MYRIP: variants seen among roughly 807,000 people sequenced by gnomAD.
MYRIP encodes rab effector MyRIP.
Under a neutral mutation model 98.0 loss-of-function variants are expected in MYRIP, and 49 were observed. The observed-to-expected ratio is 0.50, with a 90% CI of 0.40 to 0.63. The LOEUF (loss-of-function observed/expected upper bound fraction) is 0.63. MYRIP is among the 30% of genes least tolerant of loss of function. The probability of loss-of-function intolerance (pLI) is 0.00; values close to 1 mark genes in which losing one functional copy is unlikely to be tolerated. For synonymous variants in MYRIP, 404 were observed against 409.5 expected, an observed-to-expected ratio of 0.99 and a Z score of 0.16; for missense variants, 1,004 against 1,058.2, an observed-to-expected ratio of 0.95 and a Z score of 0.71.
At chr3:39,965,980 T>A (rs59084070) in intron 2 of MYRIP, among the ~76,000 whole-genome samples, 2,596 of 152,280 alleles carry the variant, frequency 0.017, 66 homozygotes, top group African/African-American at 0.058. Flanking sequence ...TGAAAGTGAA[T>A]GTTTAAGTCC....
chr3:40,068,793 C>T (rs1257967946), intron 3 of MYRIP, among the ~76,000 whole-genome samples: 1 of 152,166 alleles, frequency 6.6e-6, no homozygotes, highest in Non-Finnish European at 1.5e-5. Context: ...TATATTTTAG[C>T]ATGTTGTCTT....
chr3:40,223,345 AG>A (rs1461731540), intron 11 of MYRIP, among the ~76,000 whole-genome samples: 1 of 152,234 alleles, frequency 6.6e-6, no homozygotes, highest in African/African-American at 2.4e-5. Flanking sequence ...TATTTTTTAA[AG>A]GTACAGTAAT....
At chr3:40,171,570 A>G (rs556042309) in intron 8 of MYRIP, among the ~76,000 whole-genome samples, 1 of 152,342 alleles carries the variant, frequency 6.6e-6, no homozygotes, top group South Asian at 2.1e-4. Flanking sequence ...CTCAACCATG[A>G]GTCAATGAGT....
At chr3:40,136,228 G>C (rs1236832283) in intron 3 of MYRIP, among the ~76,000 whole-genome samples, 2 of 152,200 alleles carry the variant, frequency 1.3e-5, no homozygotes, top group Non-Finnish European at 2.9e-5. Context: ...GGCAGGGGTT[G>C]CAATCCTAGT....
At chr3:39,888,300 A>G (rs1469129681) in intron 1 of MYRIP, among the ~76,000 whole-genome samples, 2 of 152,078 alleles carry the variant, frequency 1.3e-5, no homozygotes, top group African/African-American at 2.4e-5. Context: ...TACAGTAACC[A>G]AAACAGCATG....
At chr3:40,019,340 T>C (rs971869760) in intron 2 of MYRIP, among the ~76,000 whole-genome samples, 9 of 152,194 alleles carry the variant, frequency 5.9e-5, no homozygotes, top group Admixed American at 5.9e-4. Flanking sequence ...CGTTCAGTTA[T>C]GTATCTGTAC....
At chr3:39,980,416 C>T (rs75928250) in intron 2 of MYRIP, among the ~76,000 whole-genome samples, 11,049 of 152,236 alleles carry the variant, frequency 0.073, 558 homozygotes, top group East Asian at 0.17. Context: ...AGAAGGGAGA[C>T]AGCAACAGAG....
chr3:40,168,558 T>C (rs1559431547), intron 7 of MYRIP, among the ~76,000 whole-genome samples: 1 of 152,244 alleles, frequency 6.6e-6, no homozygotes, highest in African/African-American at 2.4e-5. Context: ...ATATATGTTT[T>C]GTTATACCAC....
At chr3:40,186,784 T>G (rs1054257401) in intron 9 of MYRIP, among the ~76,000 whole-genome samples, 1 of 152,188 alleles carries the variant, frequency 6.6e-6, no homozygotes, top group Non-Finnish European at 1.5e-5. Context: ...AAAATCAATA[T>G]AACTACTTAC....
intron 10 of MYRIP, among the ~76,000 whole-genome samples, chr3:40,198,687 A>G (rs1951467768): frequency 6.6e-6 from 1 of 152,160 alleles, no homozygotes; most frequent in African/African-American, 2.4e-5. Context: ...AATTTCCTCC[A>G]ATGTTTCATT....
chr3:40,212,895 G>A lies in MYRIP; in HGVS notation c.1905+2802G>A, dbSNP rs568029329. On this transcript the variant is annotated intron_variant, in intron 11 of 16. Coordinates refer to ENST00000302541, the MANE Select transcript of MYRIP (RefSeq NM_015460.4). ...ATTGCACCACAGCACTCCAGCCTGGGCAATGACAGAGTGAGACCCTGTCTC... is the reference window on the plus strand; with the variant it reads ...ATTGCACCACAGCACTCCAGCCTGGACAATGACAGAGTGAGACCCTGTCTC... Among the ~76,000 whole-genome samples the A allele has an allele frequency of 2.0e-5, 3 of 152,042 alleles. No homozygotes were observed. In the South Asian group the frequency reaches 6.3e-4, roughly 32 times the overall value.
chr3:40,128,459 C>A (rs963963563), intron 3 of MYRIP, among the ~76,000 whole-genome samples: 4 of 152,206 alleles, frequency 2.6e-5, no homozygotes, highest in African/African-American at 9.7e-5. Context: ...AGCATTTTCA[C>A]AACACCCTTC....
intron 2 of MYRIP, among the ~76,000 whole-genome samples, chr3:40,032,854 C>G (rs1256233504): frequency 6.6e-6 from 1 of 152,098 alleles, no homozygotes; most frequent in Non-Finnish European, 1.5e-5. Context: ...AGCAGCACAT[C>G]AAAAAGCTTA....
intron 3 of MYRIP, among the ~76,000 whole-genome samples, chr3:40,067,194 A>G (rs1352564090): frequency 1.3e-5 from 2 of 152,194 alleles, no homozygotes; most frequent in Non-Finnish European, 2.9e-5. Context: ...GCTTCCCAGA[A>G]GAGAACTAGA....
chr3:39,866,013 G>A (rs1369738705), intron 1 of MYRIP, among the ~76,000 whole-genome samples: 3 of 152,042 alleles, frequency 2.0e-5, no homozygotes, highest in South Asian at 2.1e-4. Flanking sequence ...ATGAGATTAC[G>A]TCCTTTGTAG....
At position 39,876,237 on chromosome 3, in the gene MYRIP, G is replaced by C. The variant is rs188315419; in HGVS notation, c.-30-24550G>C. Among the ~76,000 whole-genome samples, 1,378 of 151,644 alleles carry C rather than the reference G, an allele frequency of 9.1e-3. 22 individuals carry two copies. The highest frequency in any genetic ancestry group is 0.027 in the African/African-American group (1,100 of 41,044). On this transcript the variant is annotated intron_variant, in intron 1 of 16. Coordinates refer to ENST00000302541, the MANE Select transcript of MYRIP (RefSeq NM_015460.4). ...TTTTATTTTGAACCTATGTGTGTCT[G>C]TCCACGTGAGATGGGTTTCCTGAAT...
At chr3:39,821,468 T>C (rs1941100643) in intron 1 of MYRIP, among the ~76,000 whole-genome samples, 1 of 152,194 alleles carries the variant, frequency 6.6e-6, no homozygotes, top group Non-Finnish European at 1.5e-5. Context: ...TATTTATTAA[T>C]CTCTGTTCTC....
intron 3 of MYRIP, among the ~76,000 whole-genome samples, chr3:40,083,549 T>C (rs1252568723): frequency 6.6e-6 from 1 of 152,174 alleles, no homozygotes; most frequent in African/African-American, 2.4e-5. Flanking sequence ...TCTCTGCCTT[T>C]TGGACTCCCT....
At chr3:39,908,429 A>ACCC (rs202235547) in intron 2 of MYRIP, among the ~76,000 whole-genome samples, 1 of 149,328 alleles carries the variant, frequency 6.7e-6, no homozygotes, top group African/African-American at 2.5e-5. Context: ...GTAATCTTCC[A>ACCC]CCCCCCCCAT....
Sources: allele counts gnomAD v4.1 joint callset (sites outside exome capture counted in the v4.1 genomes callset), GRCh38; gene constraint gnomAD v4.1.1; transcripts MANE v1.5; gene names NCBI Gene and HGNC (gene_info 2026-07-23, HGNC 2026-07-21).